Variants in DHRS4L2 observed in about 807,000 individuals in gnomAD.
DHRS4L2 encodes dehydrogenase/reductase SDR family member 4-like 2.
Under a neutral mutation model 23.9 loss-of-function variants are expected in DHRS4L2, and 22 were observed. The observed-to-expected ratio is 0.92, with a 90% CI of 0.66 to 1.31. The LOEUF is 1.31. Among genes scored for constraint, DHRS4L2 ranks in the 40% most tolerant of loss-of-function variants. The pLI, the probability that DHRS4L2 is intolerant of heterozygous loss-of-function variation, is 0.00. For synonymous variants in DHRS4L2, 141 were observed against 123.7 expected (o/e 1.14, Z -0.93); for missense variants, 385 against 303.3 (o/e 1.27, Z -2.00).
chr14:23,992,329 A>G (rs1415058811), intron 2 of DHRS4L2, among the ~76,000 whole-genome samples: 1 of 151,618 alleles, frequency 6.6e-6, no homozygotes, highest in Non-Finnish European at 1.5e-5. Context: ...TTCCAACCCC[A>G]TGTCAAAAAG....
Position 23,988,964 on chromosome 14 carries a change from T to G in DHRS4L2, c.17T>G (p.Leu6Arg). Residue 6 changes from leucine (L) to arginine (R), a missense_variant, in exon 1 of 8, where the codon CTG becomes CGG. Physicochemically the swap from Leu to Arg is moderately radical, Grantham distance 102. Coordinates refer to ENST00000335125, the MANE Select transcript of DHRS4L2 (RefSeq NM_198083.4). MQMAR[L>R]LGLCAWARKS... Reference sequence around the variant, plus strand: ...GTCTGATCCATGCAGATGGCCAGGCTGCTAGGCCTCTGTGCCTGGGCACGG... The same window carrying G: ...GTCTGATCCATGCAGATGGCCAGGCGGCTAGGCCTCTGTGCCTGGGCACGG... 1 of 1,612,232 alleles carries G rather than the reference T, an allele frequency of 6.2e-7. No individual in the cohort carries two copies. The highest frequency in any genetic ancestry group is 8.5e-7 in the Non-Finnish European group (1 of 1,179,176).
At chr14:24,004,424 G>T (rs1300885669) in intron 7 of DHRS4L2, 32 bp downstream of exon 7, 1 of 1,592,556 alleles carries the variant, frequency 6.3e-7, no homozygotes, top group Middle Eastern at 1.7e-4. Flanking sequence ...GGCACTAAGA[G>T]ACATGAAGAT....
rs190926225 is a variant in DHRS4L2, at chr14:23,992,243, G to C, written c.306+1884G>C. On this transcript the variant is annotated intron_variant, in intron 2 of 7. Transcript: ENST00000335125. ...CATCAGTGAGGAAGCTGTTGCTGTC[G>C]TCCAGGTTTAGAGCAGTGGCGGCGG... 9.0e-3 allele frequency among the ~76,000 whole-genome samples: 1,369 copies of C among 151,418 alleles called. 33 individuals are homozygous for C. Among genetic ancestry groups the C allele is most frequent in the Non-Finnish European group, 0.014 (973 of 67,842 alleles).
intron 1 of DHRS4L2, among the ~76,000 whole-genome samples, chr14:23,975,224 AC>A (rs2033943991): frequency 6.6e-6 from 1 of 151,810 alleles, no homozygotes; most frequent in South Asian, 2.1e-4. Flanking sequence ...CTGATAAGCA[AC>A]TTCAGCAAAG....
intron 2 of DHRS4L2, among the ~76,000 whole-genome samples, chr14:23,992,110 C>T (rs1394441598): frequency 4.6e-5 from 7 of 151,414 alleles, no homozygotes; most frequent in Non-Finnish European, 5.9e-5. Flanking sequence ...CACATTCTTG[C>T]AGCAAATAAG....
At chr14:23,989,563 G>T (rs1594464515) in intron 1 of DHRS4L2, among the ~76,000 whole-genome samples, 1 of 151,416 alleles carries the variant, frequency 6.6e-6, no homozygotes, top group Non-Finnish European at 1.5e-5. Context: ...GGCCTACCTT[G>T]CCCAGCCTGT....
chr14:24,000,506 G>A (rs533636646), intron 3 of DHRS4L2, among the ~76,000 whole-genome samples: 1 of 152,004 alleles, frequency 6.6e-6, no homozygotes, highest in Admixed American at 6.5e-5. Flanking sequence ...CTACTCTAGG[G>A]CAGGTCCAGG....
At chr14:23,994,853 G>GTA (rs2034346191) in intron 2 of DHRS4L2, among the ~76,000 whole-genome samples, 179 bp from the exon 3 acceptor site, 2 of 151,696 alleles carry the variant, frequency 1.3e-5, no homozygotes, top group Admixed American at 1.3e-4. Flanking sequence ...CTCGCTGCAT[G>GTA]GCCCAGGCTT....
chr14:23,970,578 A>T (rs542070418), intron 1 of DHRS4L2, among the ~76,000 whole-genome samples: 1 of 152,204 alleles, frequency 6.6e-6, no homozygotes, highest in South Asian at 2.1e-4. Flanking sequence ...GCTTCTGCAG[A>T]CTTCAGTGTC....
Position 23,992,836 on chromosome 14 carries a change from C to A in DHRS4L2, c.307-2196C>A, listed in dbSNP as rs2034297566. ...AAGTGGCTAAAACTATAGGCATGCA[C>A]CACCACACCAGTTCATTTTTTAAAT... On this transcript the variant is annotated intron_variant, in intron 2 of 7. Transcript: ENST00000335125. 4.1e-5 allele frequency among the ~76,000 whole-genome samples: 6 copies of A among 146,994 alleles called. No individual in the cohort carries two copies. In the South Asian group the frequency reaches 1.3e-3, roughly 33 times the overall value.
rs1273057051 is a variant in DHRS4L2, at chr14:23,997,556, G to A, written c.408+2423G>A. 5.6e-5 allele frequency among the ~76,000 whole-genome samples: 8 copies of A among 143,690 alleles called. No individual in the cohort carries two copies. The East Asian group carries it at 1.0e-3, about 18-fold the overall frequency. The allele number at this position is 143,690 out of a possible 152,430, so 94.3% of individuals were successfully genotyped here. Reference sequence around the variant, plus strand: ...AAGTACCTATAATATTCTGAATCCCGTGTTGTGATTTCAACAATATTCATG... The same window carrying A: ...AAGTACCTATAATATTCTGAATCCCATGTTGTGATTTCAACAATATTCATG... On this transcript the variant is annotated intron_variant, in intron 3 of 7. Transcript: ENST00000335125.
chr14:23,977,222 T>G (rs2138511436), intron 1 of DHRS4L2, among the ~76,000 whole-genome samples: 1 of 152,022 alleles, frequency 6.6e-6, no homozygotes, highest in East Asian at 1.9e-4. Context: ...TTTTCTTTTC[T>G]GGGTTCTTTT....
Position 24,001,454 on chromosome 14 carries a change from C to G in DHRS4L2, c.602C>G (p.Ala201Gly). The G allele has an allele frequency of 6.2e-7, 1 of 1,606,478 alleles. No individual in the cohort carries two copies. Among genetic ancestry groups the G allele is most frequent in the Non-Finnish European group, 8.5e-7 (1 of 1,179,162 alleles). ...AACAATACCCTGGCCATAGAGCTGG[C>G]CCCAAGGAACATTAGGGTGAACTGC... is the stretch of plus-strand genomic sequence containing the variant. Reference protein sequence around the residue: ...GLNNTLAIELAPRNIRVNCLH... With the variant: ...GLNNTLAIELGPRNIRVNCLH... Residue 201 changes from alanine to glycine, a missense_variant, in exon 6 of 8, where the codon GCC (alanine) becomes GGC (glycine). Coordinates refer to ENST00000335125, the MANE Select transcript of DHRS4L2 (RefSeq NM_198083.4).
At chr14:23,970,366 C>A (rs2332158) in intron 1 of DHRS4L2, 3 of 400,106 alleles carry the variant, frequency 7.5e-6, no homozygotes, top group Non-Finnish European at 1.5e-5. Flanking sequence ...GGCGGGGGGC[C>A]GAAACTGCAT....
At chr14:23,999,367 A>AAAAAAAAAAAAAAAAAAAC (rs1555330042) in intron 3 of DHRS4L2, among the ~76,000 whole-genome samples, 1 of 116,774 alleles carries the variant, frequency 8.6e-6, no homozygotes, top group Non-Finnish European at 1.8e-5. Context: ...AAAAAAAAAA[A>AAAAAAAAAAAAAAAAAAAC]AAAAAAACAA....
At chr14:23,987,098 G>C (rs559536681), upstream of DHRS4L2, 8 of 249,632 alleles carry the variant, frequency 3.2e-5, no homozygotes, top group African/African-American at 1.7e-4. Flanking sequence ...TTACTTGCTC[G>C]CCATACACCC....
At chr14:23,990,992 G>C (rs1347481352) in intron 2 of DHRS4L2, 1 of 656,426 alleles carries the variant, frequency 1.5e-6, no homozygotes, top group Non-Finnish European at 1.9e-6. Flanking sequence ...ATAAGTCAAT[G>C]TCATAATTAG....
chr14:23,987,120 T>A, upstream of DHRS4L2: 1 of 280,296 alleles, frequency 3.6e-6, no homozygotes, highest in Non-Finnish European at 7.1e-6. Context: ...CTTTTGAATG[T>A]TGAAATCCTT....
At chr14:23,999,382 T>C (rs1023878544) in intron 3 of DHRS4L2, among the ~76,000 whole-genome samples, 6 of 139,116 alleles carry the variant, frequency 4.3e-5, no homozygotes, top group Admixed American at 1.5e-4. Flanking sequence ...AAACAATATC[T>C]GCAAAGCATA....
Sources: gnomAD v4.1 joint callset for allele counts (sites outside exome capture counted in the v4.1 genomes callset) on GRCh38, gnomAD v4.1.1 for gene constraint, MANE v1.5 for transcripts, NCBI Gene and HGNC (gene_info 2026-07-23, HGNC 2026-07-21) for gene names.